Variants in KIF12 observed in about 807,000 individuals in gnomAD.
KIF12 encodes kinesin family member 12, also known as kinesin-like protein KIF12.
A neutral mutation model predicts 87.9 loss-of-function variants in KIF12; 80 were observed. The observed-to-expected ratio is 0.91, with a 90% CI of 0.76 to 1.10. The LOEUF is 1.10. Among genes scored for constraint, KIF12 ranks in the 50% least tolerant of loss-of-function variants. The pLI, the probability that KIF12 is intolerant of heterozygous loss-of-function variation, is 0.00. For missense variants in KIF12, 819 were observed against 865.3 expected (o/e 0.95, Z 0.67); for synonymous variants, 353 against 348.5 (o/e 1.01, Z -0.14).
intron 17 of KIF12, 25 bp from the exon 18 acceptor site, chr9:114,092,476 G>C: frequency 6.2e-7 from 1 of 1,613,632 alleles, no homozygotes; most frequent in South Asian, 1.1e-5. Context: ...GTTGGGAGAT[G>C]GGAGGTGAGC....
rs372692049 is a variant in KIF12 at position 114,097,455 on chromosome 9, G to A, written c.511-19C>T. On this transcript the variant is annotated intron_variant, in intron 6 of 18. Transcript: ENST00000640217. ...CCCGAACCTGGGAGGGGAGGGAGGA[G>A]GGTGAGGGAAGGGGATCTTTCTGAG... 2.7e-5 allele frequency: 43 copies of A among 1,584,912 alleles called. No homozygotes were observed. The highest frequency in any genetic ancestry group is 3.7e-5 in the Non-Finnish European group (43 of 1,166,312).
rs1486990200 is a variant in KIF12 at position 114,098,120 on chromosome 9, G to A, written c.370C>T (p.Pro124Ser). Residue 124 changes from proline (P) to serine (S), a missense_variant, in exon 5 of 19, where the codon CCC becomes TCC. Transcript: ENST00000640217. ...GKTYTLTGPP[P>S]QGEGVPVPPS... The stretch of plus-strand genomic sequence containing the variant: ...CGCCGCCGGCGCTCGCTCACCTGGG[G>A]AGGGGGTCCAGTCAGGGTGTAGGTC... The A allele has an allele frequency of 6.5e-7, 1 of 1,547,674 alleles. No homozygotes were observed. Among genetic ancestry groups the A allele is most frequent in the Non-Finnish European group, 8.7e-7 (1 of 1,146,194 alleles).
chr9:114,094,974 C>T, intron 11 of KIF12, 49 bp downstream of exon 11: 2 of 1,467,206 alleles, frequency 1.4e-6, no homozygotes, highest in Non-Finnish European at 1.8e-6. Context: ...CTGCCTGATC[C>T]CCCAGCATCT....
chr9:114,096,245 C>T (rs747909415), intron 8 of KIF12, 38 bp from the exon 9 acceptor site: 39 of 1,610,954 alleles, frequency 2.4e-5, no homozygotes, highest in Middle Eastern at 1.7e-4. Context: ...TGGGAGGGAC[C>T]GTCCCCATCA....
At chr9:114,095,971 TG>T in intron 9 of KIF12, 79 bp downstream of exon 9, 1 of 1,447,382 alleles carries the variant, frequency 6.9e-7, no homozygotes, top group Non-Finnish European at 9.3e-7. Flanking sequence ...ACAACTCCTC[TG>T]GTATCCCCCA....
intron 16 of KIF12, 170 bp from the exon 17 acceptor site, chr9:114,092,812 GTTC>G: frequency 1.4e-5 from 21 of 1,452,186 alleles, no homozygotes; most frequent in Non-Finnish European, 1.8e-5. Context: ...GCAGCAGATG[GTTC>G]TTCTACCGTC....
chr9:114,096,480 T>A lies in KIF12; in HGVS notation c.647-2A>T. ...CTGAGTTCCTTCGACGGCTGAGACC[T>A]GGAAGGGAAAAACATCAGGAGCTGG... is the stretch of plus-strand genomic sequence containing the variant. On this transcript the variant is annotated splice_acceptor_variant, in intron 7 of 18. Transcript: ENST00000640217. LOFTEE classifies it high-confidence loss of function. 6.2e-7 allele frequency: 1 copy of A among 1,606,176 alleles called. No homozygotes were observed. The highest frequency in any genetic ancestry group is 8.5e-7 in the Non-Finnish European group (1 of 1,176,194).
Position 114,098,043 on chromosome 9 carries a change from C to A in KIF12, c.375+72G>T. On this transcript the variant is annotated intron_variant, in intron 5 of 18. Transcript: ENST00000640217. ...AGCCCCTTCCCTCTGGGAGTCTGCG[C>A]CGCCTGCGGCTCCCCAGGGCTTCCA... The A allele has an allele frequency of 2.1e-6, 3 of 1,420,878 alleles. No homozygotes were observed. The South Asian group carries it at 4.0e-5, about 19-fold the overall frequency. 88.0% of individuals were successfully genotyped at this position (1,420,878 alleles called of 1,614,324 possible). A position where few individuals can be genotyped will look rare whatever the true frequency, so the allele number is the denominator to read the frequency against.
rs983582403 is a variant in KIF12, at chr9:114,093,238, G to A, written c.1587C>T (p.His529=). ...CCATGGCCTTTCCTACCTGGGGCAG[G>A]TGGTGCTCCCCTGGCAGGCAGGCCC... ...AHWACLPGEH[H]LPQVLDPEAS... Residue 529 remains histidine (H), a synonymous_variant, in exon 16 of 19, where the codon CAC becomes CAT. Coordinates refer to ENST00000640217, the MANE Select transcript of KIF12 (RefSeq NM_001388308.1). 9 of 1,552,568 alleles carry A rather than the reference G, an allele frequency of 5.8e-6. No homozygotes were observed. The highest frequency in any genetic ancestry group is 7.8e-6 in the Non-Finnish European group (9 of 1,147,232).
rs367842026 is a variant in KIF12 at position 114,094,524 on chromosome 9, G to T, written c.1120-69C>A. 36 of 896,232 alleles carry T rather than the reference G, an allele frequency of 4.0e-5. No individual in the cohort carries two copies. In the East Asian group the frequency reaches 4.1e-4, roughly 10 times the overall value. 55.5% of individuals were successfully genotyped at this position (896,232 alleles called of 1,614,324 possible). On this transcript the variant is annotated intron_variant, in intron 11 of 18. Transcript: ENST00000640217. Reference sequence around the variant, plus strand: ...TCGTGCACTGCACAAGAACTTCCGGGTGTGGGAAGTAACTGGGGCCTAAAA... The same window carrying T: ...TCGTGCACTGCACAAGAACTTCCGGTTGTGGGAAGTAACTGGGGCCTAAAA...
intron 17 of KIF12, 35 bp from the exon 18 acceptor site, chr9:114,092,486 C>A (rs771881165): frequency 1.3e-5 from 21 of 1,613,476 alleles, no homozygotes; most frequent in Non-Finnish European, 1.7e-5. Flanking sequence ...GGGAGGTGAG[C>A]CTTTGAGTTC....
In KIF12 at chr9:114,096,198, T is replaced by A; in HGVS notation, c.748A>T (p.Met250Leu). 1.2e-6 allele frequency: 2 copies of A among 1,613,808 alleles called. No homozygotes were observed. The highest frequency in any genetic ancestry group is 1.7e-6 in the Non-Finnish European group (2 of 1,179,928). Residue 250 changes from methionine (M) to leucine (L), a missense_variant, in exon 9 of 19, where the codon ATG becomes TTG. Physicochemically the swap from Met to Leu is conservative, Grantham distance 15. Transcript: ENST00000640217. ...LYISRQTAQQ[M>L]PSVDPGEPPV... Reference sequence around the variant, plus strand: ...GGCTCCCCAGGGTCCACAGAAGGCATCTGCTGGGCCTGAGGGATCAGAGCT... The same window carrying A: ...GGCTCCCCAGGGTCCACAGAAGGCAACTGCTGGGCCTGAGGGATCAGAGCT...
intron 9 of KIF12, among the ~76,000 whole-genome samples, 183 bp from the exon 10 acceptor site, chr9:114,095,515 GA>G (rs1395456698): frequency 1.3e-4 from 20 of 152,322 alleles, no homozygotes; most frequent in Admixed American, 1.3e-3. Context: ...TGAGGGCAGA[GA>G]AGGCCCTGTA....
rs772021934 is a variant in KIF12, at chr9:114,094,213, T to C, written c.1281A>G (p.Leu427=). The part of the protein sequence containing the change: ...AWAQRNLYGM[L]QEFMLENERL... ...TCTCATTCTCTAGCATGAACTCCTG[T>C]AGCATCCCGTACAGGTTCCGCTGGG... Residue 427 remains leucine, a synonymous_variant, in exon 13 of 19, where the codon CTA becomes CTG. Transcript: ENST00000640217. 6.2e-7 allele frequency: 1 copy of C among 1,613,828 alleles called. No homozygotes were observed. Among genetic ancestry groups the C allele is most frequent in the Non-Finnish European group, 8.5e-7 (1 of 1,180,002 alleles).
intron 1 of KIF12, 37 bp downstream of exon 1, chr9:114,099,213 GT>G (rs1199490130): frequency 1.3e-6 from 2 of 1,550,992 alleles, no homozygotes; most frequent in South Asian, 2.4e-5. Flanking sequence ...CCTAGCGGCT[GT>G]TCAGGACTCC....
At chr9:114,093,712 C>G (rs35628972) in intron 14 of KIF12, among the ~76,000 whole-genome samples, 174 bp downstream of exon 14, 4,901 of 152,312 alleles carry the variant, frequency 0.032, 115 homozygotes, top group South Asian at 0.082. Flanking sequence ...GAAACCCAGG[C>G]AGTGAGAAGT....
intron 14 of KIF12, 78 bp downstream of exon 14, chr9:114,093,808 A>G: frequency 8.0e-7 from 1 of 1,257,070 alleles, no homozygotes. Flanking sequence ...GGCCAGCCTC[A>G]AGCAGTTCAT....
rs201028865 is a variant in KIF12, at chr9:114,094,264, C to T, written c.1230G>A (p.Gly410=). The stretch of plus-strand genomic sequence containing the variant: ...CCCAGGCCACCCGGGCTCCACTGAG[C>T]CCTGAGGCTGCAGGGAAGCAGGAGG... The part of the protein sequence containing the change: ...QLDQMDCKAS[G]LSGARVAWAQ... The change falls in exon 13 of 19, where the codon GGG becomes GGA. Residue 410 remains glycine (G), a synonymous_variant. Coordinates refer to ENST00000640217, the MANE Select transcript of KIF12 (RefSeq NM_001388308.1). The T allele has an allele frequency of 4.3e-5, 69 of 1,614,040 alleles. No individual in the cohort carries two copies. The Admixed American group carries it at 1.1e-3, about 25-fold the overall frequency.
At position 114,097,377 on chromosome 9, in the gene KIF12, AGTCTT is replaced by A; in HGVS notation, c.565_569del (p.Lys189SerfsTer83). 1 of 1,607,910 alleles carries A rather than the reference AGTCTT, an allele frequency of 6.2e-7. No homozygotes were observed. The highest frequency in any genetic ancestry group is 8.5e-7 in the Non-Finnish European group (1 of 1,178,578). On this transcript the variant is annotated frameshift_variant, in exon 7 of 19. Coordinates refer to ENST00000640217, the MANE Select transcript of KIF12 (RefSeq NM_001388308.1). LOFTEE classifies it high-confidence loss of function. ...GCAGCTGCTCCACATAGAAGCCCCG[AGTCTT>A]GTTCCAGCGAACAGGGAGGGGCCGG... is the stretch of plus-strand genomic sequence containing the variant.
Sources: gnomAD v4.1 joint callset for allele counts (sites outside exome capture counted in the v4.1 genomes callset) on GRCh38, gnomAD v4.1.1 for gene constraint, MANE v1.5 for transcripts, NCBI Gene and HGNC (gene_info 2026-07-23, HGNC 2026-07-21) for gene names.